RNGTT: variants seen among roughly 807,000 people sequenced by gnomAD.
The protein encoded by RNGTT is RNA guanylyltransferase and 5'-phosphatase.
In RNGTT, 33 loss-of-function variants were observed where a neutral mutation model predicts 79.3. The observed-to-expected ratio is 0.42, with a 90% CI of 0.32 to 0.56. The LOEUF is 0.56. Among genes scored for constraint, RNGTT ranks in the 20% least tolerant of loss-of-function variants. The pLI, the probability that RNGTT is intolerant of heterozygous loss-of-function variation, is 0.17. For missense variants in RNGTT, 497 were observed against 739.1 expected (o/e 0.67, Z 3.80); for synonymous variants, 222 against 235.9 (o/e 0.94, Z 0.54).
At chr6:88,817,134 G>A (rs773485520) in intron 11 of RNGTT, among the ~76,000 whole-genome samples, 1 of 152,090 alleles carries the variant, frequency 6.6e-6, no homozygotes, top group Non-Finnish European at 1.5e-5. Context: ...CTGGTCTAGC[G>A]TATGTAAAAG....
intron 14 of RNGTT, among the ~76,000 whole-genome samples, chr6:88,634,137 A>C (rs749394672): frequency 6.6e-6 from 1 of 152,174 alleles, no homozygotes; most frequent in Non-Finnish European, 1.5e-5. Context: ...TAAACATGCA[A>C]ATTTTAAATA....
intron 13 of RNGTT, among the ~76,000 whole-genome samples, chr6:88,715,455 G>GA (rs1582373293): frequency 1.3e-5 from 2 of 152,066 alleles, no homozygotes; most frequent in African/African-American, 4.8e-5. Context: ...CACAGAATTG[G>GA]AAAAAACTAC....
rs983584463 is a variant in RNGTT, at chr6:88,963,579, T to C, written c.-170A>G. 1.7e-5 allele frequency: 10 copies of C among 576,386 alleles called. No individual in the cohort carries two copies. The highest frequency in any genetic ancestry group is 9.8e-5 in the African/African-American group (5 of 50,802). 35.7% of individuals were successfully genotyped at this position (576,386 alleles called of 1,614,324 possible). A position where few individuals can be genotyped will look rare whatever the true frequency, so the allele number is the denominator to read the frequency against. On this transcript the variant is annotated 5_prime_UTR_variant, in exon 1 of 16. It removes an upstream start codon present in the reference 5' UTR. Transcript: ENST00000369485. ...CGTCAGGGGCGGCGCGCCACTTTCA[T>C]TCAGGATCAACTCCACAGCTCCAGG...
chr6:88,690,326 T>C (rs1333496466), intron 13 of RNGTT, among the ~76,000 whole-genome samples: 2 of 152,038 alleles, frequency 1.3e-5, no homozygotes, highest in African/African-American at 4.8e-5. Flanking sequence ...ATATTAAAAA[T>C]GGGGGAAACC....
intron 8 of RNGTT, among the ~76,000 whole-genome samples, chr6:88,882,125 C>T (rs971219129): frequency 2.0e-5 from 3 of 152,188 alleles, no homozygotes; most frequent in Non-Finnish European, 4.4e-5. Flanking sequence ...CCATATTCTT[C>T]TCCTAAACCC....
intron 13 of RNGTT, among the ~76,000 whole-genome samples, chr6:88,717,217 A>G (rs1158241497): frequency 6.6e-6 from 1 of 152,208 alleles, no homozygotes; most frequent in Non-Finnish European, 1.5e-5. Context: ...AACAATCCTA[A>G]AAGACTGAGG....
At chr6:88,643,416 C>A (rs1029518236) in intron 14 of RNGTT, among the ~76,000 whole-genome samples, 6 of 152,090 alleles carry the variant, frequency 3.9e-5, no homozygotes, top group African/African-American at 1.2e-4. Flanking sequence ...GACTTTAACA[C>A]CCCACTGTCA....
In RNGTT at chr6:88,963,519, C is replaced by G; in HGVS notation, c.-110G>C. The G allele has an allele frequency of 1.9e-6, 2 of 1,063,778 alleles. No individual in the cohort carries two copies. Among genetic ancestry groups the G allele is most frequent in the Non-Finnish European group, 1.3e-6 (1 of 768,764 alleles). 65.9% of individuals were successfully genotyped at this position (1,063,778 alleles called of 1,614,324 possible). A position where few individuals can be genotyped will look rare whatever the true frequency, so the allele number is the denominator to read the frequency against. ...GGGTCCGAGACACCCGAATCGCAGC[C>G]GTAATCTGAATTCCAACCTCTCCGA... is the stretch of plus-strand genomic sequence containing the variant. On this transcript the variant is annotated 5_prime_UTR_variant, in exon 1 of 16. Coordinates refer to ENST00000369485, the MANE Select transcript of RNGTT (RefSeq NM_003800.5).
At chr6:88,641,678 G>A (rs570212145) in intron 14 of RNGTT, among the ~76,000 whole-genome samples, 34 of 152,284 alleles carry the variant, frequency 2.2e-4, no homozygotes, top group African/African-American at 7.2e-4. Context: ...TCATCACTTG[G>A]TATGGCTGTG....
chr6:88,775,429 C>A (rs1242385478), intron 12 of RNGTT, among the ~76,000 whole-genome samples: 1 of 152,154 alleles, frequency 6.6e-6, no homozygotes, highest in Non-Finnish European at 1.5e-5. Flanking sequence ...TCTTCCTAGT[C>A]CTGAACAGTA....
rs186919065 is a variant in RNGTT, at chr6:88,945,680, T to C, written c.65-4500A>G. Reference sequence around the variant, plus strand: ...ACACTATCTGTTCATCACAGTCAATTTACTTTCTTCTTCCAGGACACAATG... The same window carrying C: ...ACACTATCTGTTCATCACAGTCAATCTACTTTCTTCTTCCAGGACACAATG... On this transcript the variant is annotated intron_variant, in intron 1 of 15. Coordinates refer to ENST00000369485, the MANE Select transcript of RNGTT (RefSeq NM_003800.5). Among the ~76,000 whole-genome samples, 604 of 152,300 alleles carry C rather than the reference T, an allele frequency of 4.0e-3. 8 individuals carry two copies. The highest frequency in any genetic ancestry group is 0.019 in the South Asian group (92 of 4,824).
At chr6:88,807,129 T>C (rs1047447524) in intron 11 of RNGTT, among the ~76,000 whole-genome samples, 1 of 152,120 alleles carries the variant, frequency 6.6e-6, no homozygotes, top group Non-Finnish European at 1.5e-5. Flanking sequence ...GAAGAATAGC[T>C]AATGGATGCT....
At chr6:88,879,147 A>G (rs1782611618) in intron 8 of RNGTT, among the ~76,000 whole-genome samples, 1 of 152,234 alleles carries the variant, frequency 6.6e-6, no homozygotes, top group African/African-American at 2.4e-5. Flanking sequence ...CTGTAATCCC[A>G]GCACTTTGAG....
chr6:88,844,548 T>C (rs866962476), intron 10 of RNGTT, 27 bp from the exon 11 acceptor site: 1 of 1,585,818 alleles, frequency 6.3e-7, no homozygotes, highest in Non-Finnish European at 8.6e-7. Flanking sequence ...ATTAGTTAAA[T>C]TTCAACACTA....
chr6:88,773,667 T>C (rs1052427364), intron 12 of RNGTT, among the ~76,000 whole-genome samples: 9 of 152,014 alleles, frequency 5.9e-5, no homozygotes, highest in Non-Finnish European at 1.2e-4. Context: ...CATAAATCTA[T>C]AGCAAATTGA....
chr6:88,660,549 T>TAAAAAAAAAAAAAAA (rs139978224), intron 14 of RNGTT, among the ~76,000 whole-genome samples: 17 of 144,196 alleles, frequency 1.2e-4, no homozygotes, highest in South Asian at 4.3e-4. Flanking sequence ...GCAACAATGG[T>TAAAAAAAAAAAAAAA]AAAAAAAAAG....
chr6:88,759,340 C>T (rs868719088), intron 13 of RNGTT, among the ~76,000 whole-genome samples: 11 of 152,080 alleles, frequency 7.2e-5, no homozygotes, highest in South Asian at 2.1e-4. Flanking sequence ...CCTCCCTACC[C>T]GGCTCTAGAA....
chr6:88,686,338 A>G (rs1775277275), intron 13 of RNGTT, among the ~76,000 whole-genome samples: 1 of 152,116 alleles, frequency 6.6e-6, no homozygotes, highest in South Asian at 2.1e-4. Context: ...CAACACTGTT[A>G]CCACATAAAA....
intron 11 of RNGTT, among the ~76,000 whole-genome samples, chr6:88,819,653 A>G (rs992442025): frequency 6.6e-6 from 1 of 152,144 alleles, no homozygotes; most frequent in African/African-American, 2.4e-5. Flanking sequence ...TTCTTCATGT[A>G]TGCTACCATA....
Sources: gnomAD v4.1 joint callset for allele counts (sites outside exome capture counted in the v4.1 genomes callset) on GRCh38, gnomAD v4.1.1 for gene constraint, MANE v1.5 for transcripts, NCBI Gene and HGNC (gene_info 2026-07-23, HGNC 2026-07-21) for gene names.